Variants in NBEA observed in about 807,000 individuals in gnomAD.
NBEA encodes lysosomal-trafficking regulator 2.
Under a neutral mutation model 343.4 loss-of-function variants are expected in NBEA, and 44 were observed. The observed-to-expected ratio is 0.13, with a 90% CI of 0.10 to 0.16. NBEA has a LOEUF of 0.16. Ranked by LOEUF, NBEA falls within the 10% of genes least tolerant of loss-of-function variation. The pLI, the probability that NBEA is intolerant of heterozygous loss-of-function variation, is 1.00. For synonymous variants in NBEA, 1,175 were observed against 1,238.7 expected (o/e 0.95, Z 1.08); for missense variants, 2,555 against 3,631.3 (o/e 0.70, Z 7.62).
intron 34 of NBEA, among the ~76,000 whole-genome samples, chr13:35,234,705 A>C (rs1301263188): frequency 6.6e-6 from 1 of 152,112 alleles, no homozygotes; most frequent in Non-Finnish European, 1.5e-5. Context: ...CACAGGTTTG[A>C]AAGGGTTATG....
At chr13:35,659,498 A>G (rs1277483567) in intron 55 of NBEA, among the ~76,000 whole-genome samples, 1 of 152,224 alleles carries the variant, frequency 6.6e-6, no homozygotes, top group African/African-American at 2.4e-5. Flanking sequence ...TTTGGCAGGT[A>G]TAGAAAGTAT....
At chr13:34,967,374 G>T (rs188214070) in intron 1 of NBEA, among the ~76,000 whole-genome samples, 1 of 150,616 alleles carries the variant, frequency 6.6e-6, no homozygotes, top group East Asian at 2.0e-4. Context: ...AAGCAAAACT[G>T]AGACCTCGTC....
At chr13:35,669,132 T>C (rs2085490019) in intron 58 of NBEA, among the ~76,000 whole-genome samples, 1 of 152,248 alleles carries the variant, frequency 6.6e-6, no homozygotes, top group African/African-American at 2.4e-5. Context: ...TGTTAATCAA[T>C]TAATAATGAT....
At chr13:35,059,348 A>G (rs1392506886) in intron 8 of NBEA, among the ~76,000 whole-genome samples, 3 of 151,914 alleles carry the variant, frequency 2.0e-5, no homozygotes, top group Admixed American at 6.6e-5. Flanking sequence ...TAGTGAGTAT[A>G]CTAATTTAGC....
intron 40 of NBEA, among the ~76,000 whole-genome samples, chr13:35,458,376 A>G (rs2152950607): frequency 6.6e-6 from 1 of 152,310 alleles, no homozygotes; most frequent in African/African-American, 2.4e-5. Context: ...GCATTCATAT[A>G]CTGTGTAGCT....
rs2030993658 is a variant in NBEA, at chr13:35,245,207, T to G, written c.5776+12588T>G. Among the ~76,000 whole-genome samples the G allele has an allele frequency of 2.0e-5, 3 of 152,140 alleles. No homozygotes were observed. In the South Asian group the frequency reaches 6.2e-4, roughly 31 times the overall value. On this transcript the variant is annotated intron_variant, in intron 34 of 58. Transcript: ENST00000379939. Reference sequence around the variant, plus strand: ...GAATCCTTATGTGTCAGGTGAGTCTTTTAAAGGCAGCAGATACTTGTTTGG... The same window carrying G: ...GAATCCTTATGTGTCAGGTGAGTCTGTTAAAGGCAGCAGATACTTGTTTGG...
rs1460407049 is a variant in NBEA, at chr13:34,986,206, A to G, written c.294+43092A>G. 6.0e-5 allele frequency among the ~76,000 whole-genome samples: 9 copies of G among 150,742 alleles called. No homozygotes were observed. The South Asian group carries it at 1.3e-3, about 21-fold the overall frequency. ...AATTTCCCTCTACACACTGCTTTAA[A>G]TGTGCCACTGAGATTTTGGTACATT... is the stretch of plus-strand genomic sequence containing the variant. On this transcript the variant is annotated intron_variant, in intron 1 of 58. Coordinates refer to ENST00000379939, the MANE Select transcript of NBEA (RefSeq NM_001385012.1).
At chr13:35,008,395 A>C (rs2152530766) in intron 1 of NBEA, among the ~76,000 whole-genome samples, 1 of 152,284 alleles carries the variant, frequency 6.6e-6, no homozygotes, top group African/African-American at 2.4e-5. Flanking sequence ...TCCTTTAAAT[A>C]ATCTCTAGAT....
At chr13:35,378,728 G>T (rs755048546) in intron 38 of NBEA, among the ~76,000 whole-genome samples, 2 of 151,336 alleles carry the variant, frequency 1.3e-5, no homozygotes, top group Non-Finnish European at 1.5e-5. Context: ...TTCAAAAACT[G>T]AAGGCACCTA....
chr13:35,483,706 T>C (rs1036627072), intron 41 of NBEA, among the ~76,000 whole-genome samples: 7 of 152,106 alleles, frequency 4.6e-5, no homozygotes, highest in African/African-American at 1.7e-4. Context: ...TGTTTTGTAT[T>C]TTTATTTTGC....
At chr13:35,502,392 A>T (rs532544953) in intron 41 of NBEA, among the ~76,000 whole-genome samples, 1 of 152,244 alleles carries the variant, frequency 6.6e-6, no homozygotes, top group South Asian at 2.1e-4. Context: ...ATAAATAATT[A>T]TAATTTCTAA....
rs921282318 is a variant in NBEA at position 35,607,432 on chromosome 13, A to G, written c.7449+854A>G. On this transcript the variant is annotated intron_variant, in intron 48 of 58. Coordinates refer to ENST00000379939, the MANE Select transcript of NBEA (RefSeq NM_001385012.1). ...TGATGGGTTTTAATACATTTCACACATATTTAAGGAGATTTTAATCCCAAC... is the reference window on the plus strand; with the variant it reads ...TGATGGGTTTTAATACATTTCACACGTATTTAAGGAGATTTTAATCCCAAC... Among the ~76,000 whole-genome samples, 5 of 152,296 alleles carry G rather than the reference A, an allele frequency of 3.3e-5. No homozygotes were observed. The South Asian group carries it at 1.0e-3, about 32-fold the overall frequency.
intron 40 of NBEA, among the ~76,000 whole-genome samples, chr13:35,463,063 GA>G (rs1481018058): frequency 6.6e-6 from 1 of 152,168 alleles, no homozygotes; most frequent in Non-Finnish European, 1.5e-5. Flanking sequence ...AGGAAAGTAA[GA>G]AAATAAAGAG....
intron 38 of NBEA, among the ~76,000 whole-genome samples, chr13:35,430,758 G>A (rs995460513): frequency 1.3e-5 from 2 of 151,526 alleles, no homozygotes; most frequent in Non-Finnish European, 2.9e-5. Flanking sequence ...AATCAATATA[G>A]CATGATTTTA....
chr13:35,298,233 ATATATATATATATATG>A (rs1393977947), intron 35 of NBEA, among the ~76,000 whole-genome samples: 1 of 143,172 alleles, frequency 7.0e-6, no homozygotes, highest in South Asian at 2.2e-4. Flanking sequence ...ATATATATAT[ATATATATATATATATG>A]TATATGCTTC....
At chr13:34,993,884 T>G (rs890588672) in intron 1 of NBEA, among the ~76,000 whole-genome samples, 1 of 152,038 alleles carries the variant, frequency 6.6e-6, no homozygotes, top group South Asian at 2.1e-4. Context: ...AGTAAAAGAT[T>G]ACCTAAAACT....
intron 6 of NBEA, among the ~76,000 whole-genome samples, chr13:35,054,719 C>G (rs1184542580): frequency 6.7e-6 from 1 of 148,590 alleles, no homozygotes; most frequent in Non-Finnish European, 1.5e-5. Context: ...TCTTGGCTCA[C>G]TGCAACCTCT....
At chr13:35,568,801 A>T (rs1303992844) in intron 45 of NBEA, among the ~76,000 whole-genome samples, 2 of 152,302 alleles carry the variant, frequency 1.3e-5, no homozygotes, top group African/African-American at 4.8e-5. Flanking sequence ...ATCAGTGCTT[A>T]AAAACTTGGA....
chr13:35,045,888 C>T (rs1009618246), intron 4 of NBEA, among the ~76,000 whole-genome samples: 1 of 151,790 alleles, frequency 6.6e-6, no homozygotes, highest in Non-Finnish European at 1.5e-5. Flanking sequence ...CCACCATGCC[C>T]AGCTAATTTT....
Sources: gnomAD v4.1 joint callset for allele counts (sites outside exome capture counted in the v4.1 genomes callset) on GRCh38, gnomAD v4.1.1 for gene constraint, MANE v1.5 for transcripts, NCBI Gene and HGNC (gene_info 2026-07-23, HGNC 2026-07-21) for gene names.